CPAMD8: variants seen among roughly 807,000 people sequenced by gnomAD.
CPAMD8 encodes the protein C3 and PZP-like alpha-2-macroglobulin domain-containing protein 8.
Under a neutral mutation model 224.7 loss-of-function variants are expected in CPAMD8, and 146 were observed. The ratio of observed to expected loss-of-function variants is 0.65; its 90% confidence interval spans 0.57 to 0.75. The LOEUF (loss-of-function observed/expected upper bound fraction) is 0.75. Ranked by LOEUF, CPAMD8 falls within the 30% of genes least tolerant of loss-of-function variation. The probability of loss-of-function intolerance (pLI) is 0.00; values close to 1 mark genes in which losing one functional copy is unlikely to be tolerated. For synonymous variants in CPAMD8, 966 were observed against 1,044.6 expected, an observed-to-expected ratio of 0.92 and a Z score of 1.45; for missense variants, 2,301 against 2,537.5, an observed-to-expected ratio of 0.91 and a Z score of 2.00.
At chr19:16,987,179 A>AAATATATAT (rs1555784836) in intron 13 of CPAMD8, among the ~76,000 whole-genome samples, 6 of 53,918 alleles carry the variant, frequency 1.1e-4, no homozygotes, top group East Asian at 5.2e-4. Flanking sequence ...AAAAAAAAAA[A>AAATATATAT]ATATATATAT....
chr19:16,962,334 G>T (rs1441700840), intron 18 of CPAMD8, among the ~76,000 whole-genome samples: 4 of 152,194 alleles, frequency 2.6e-5, no homozygotes. Flanking sequence ...AAACAGCATA[G>T]AGAAGAACTT....
chr19:17,020,237 G>T, intron 3 of CPAMD8, 94 bp downstream of exon 3: 1 of 963,804 alleles, frequency 1.0e-6, no homozygotes, highest in Non-Finnish European at 1.7e-6. Context: ...GCCTTCCAAA[G>T]TGCTGGGATT....
In CPAMD8 at chr19:17,003,955, G is replaced by A. The variant is rs1226127951; in HGVS notation, c.673+318C>T. Among the ~76,000 whole-genome samples, 4 of 150,862 alleles carry A rather than the reference G, an allele frequency of 2.7e-5. No individual in the cohort carries two copies. The East Asian group carries it at 8.0e-4, about 30-fold the overall frequency. ...AGAGTCTCGCCCTGTCGCCCAGGCT[G>A]GAGCGCAGTAGTGCGATCTTGGCTC... On this transcript the variant is annotated intron_variant, in intron 8 of 41. Coordinates refer to ENST00000443236, the MANE Select transcript of CPAMD8 (RefSeq NM_015692.5).
At chr19:16,913,625 G>A (rs1183010395) in intron 29 of CPAMD8, among the ~76,000 whole-genome samples, 1 of 152,086 alleles carries the variant, frequency 6.6e-6, no homozygotes, top group Non-Finnish European at 1.5e-5. Context: ...TGCAGCCCAA[G>A]CTAAGACAGG....
intron 3 of CPAMD8, 66 bp downstream of exon 3, chr19:17,020,265 C>G: frequency 6.4e-6 from 8 of 1,252,422 alleles, no homozygotes; most frequent in Non-Finnish European, 9.4e-6. Flanking sequence ...TGAGCCACCA[C>G]GCCTGGCCCA....
At chr19:17,016,983 A>G (rs987876303) in intron 3 of CPAMD8, among the ~76,000 whole-genome samples, 1 of 152,036 alleles carries the variant, frequency 6.6e-6, no homozygotes, top group Non-Finnish European at 1.5e-5. Context: ...GTACCAGTCA[A>G]TGGCCTGTTA....
intron 3 of CPAMD8, among the ~76,000 whole-genome samples, chr19:17,016,865 G>A (rs771803383): frequency 4.6e-5 from 7 of 151,798 alleles, no homozygotes; most frequent in Non-Finnish European, 8.8e-5. Context: ...ATCACAGGAA[G>A]CCAGGAAAGG....
chr19:16,928,813 T>C, intron 24 of CPAMD8, 129 bp downstream of exon 24: 1 of 685,798 alleles, frequency 1.5e-6, no homozygotes. Flanking sequence ...TAAGAACAAC[T>C]TGAGGTGGTG....
chr19:16,958,225 G>A (rs1051898557), intron 18 of CPAMD8, among the ~76,000 whole-genome samples: 2 of 152,154 alleles, frequency 1.3e-5, no homozygotes, highest in Admixed American at 6.6e-5. Flanking sequence ...TCATCACCCA[G>A]ATACTAAGCC....
intron 20 of CPAMD8, 23 bp from the exon 21 acceptor site, chr19:16,947,250 A>T: frequency 6.3e-7 from 1 of 1,596,824 alleles, no homozygotes; most frequent in African/African-American, 1.3e-5. Flanking sequence ...GCATTGGCTC[A>T]TGGCGCCTGG....
chr19:16,958,591 T>C (rs2054548195), intron 18 of CPAMD8, among the ~76,000 whole-genome samples: 1 of 152,188 alleles, frequency 6.6e-6, no homozygotes, highest in African/African-American at 2.4e-5. Context: ...TTTGTGTGCA[T>C]GGGTCTTTAT....
chr19:16,905,569 G>GAA (rs397955787), intron 30 of CPAMD8, among the ~76,000 whole-genome samples: 2,374 of 92,744 alleles, frequency 0.026, 81 homozygotes, highest in African/African-American at 0.09. Context: ...AGGAAGAAAA[G>GAA]AAAAAAAAAA....
chr19:16,896,635 A>G lies in CPAMD8; in HGVS notation c.5096T>C (p.Val1699Ala). 6.7e-7 allele frequency: 1 copy of G among 1,492,456 alleles called. No individual in the cohort carries two copies. The highest frequency in any genetic ancestry group is 1.3e-5 in the South Asian group (1 of 78,746). The allele number at this position is 1,492,456 out of a possible 1,614,324, so 92.5% of individuals were successfully genotyped here. ...GWFPGESGPAVAPEEGAAIAR... is the reference protein window; with the variant it reads ...GWFPGESGPAAAPEEGAAIAR... ...GATCGCCGCCCCCTCCTCAGGGGCC[A>G]CGGCAGGGCCCGACTCGCCGGGGAA... is the stretch of plus-strand genomic sequence containing the variant. The change falls in exon 40 of 42, where the codon GTG (valine) becomes GCG (alanine). Residue 1699 changes from valine to alanine, a missense_variant. Val to Ala is a moderately conservative substitution (Grantham distance 64). Around this residue, in one of 4 missense-constraint regions of CPAMD8, gnomAD observed 1,709 missense variants for 1,753.2 expected, o/e 0.97. Transcript: ENST00000443236.
chr19:17,002,553 C>T, intron 8 of CPAMD8: 2 of 475,054 alleles, frequency 4.2e-6, no homozygotes, highest in East Asian at 6.8e-5. Flanking sequence ...GACTAGGACC[C>T]CATTTTCCTC....
At position 16,899,277 on chromosome 19, in the gene CPAMD8, G is replaced by A. The variant is rs532143123; in HGVS notation, c.4848+198C>T. Among the ~76,000 whole-genome samples, 1 of 152,140 alleles carries A rather than the reference G, an allele frequency of 6.6e-6. No individual in the cohort carries two copies. Among genetic ancestry groups the A allele is most frequent in the Admixed American group, 6.5e-5 (1 of 15,280 alleles). On this transcript the variant is annotated intron_variant, in intron 37 of 41. Coordinates refer to ENST00000443236, the MANE Select transcript of CPAMD8 (RefSeq NM_015692.5). The surrounding 1 kb of genome is among the most constrained non-coding windows in gnomAD (Gnocchi z 5.4). ...TCGCCATGTTGCCCAGGCTGGTCTC[G>A]AACCCCTGAGCTCAAGTGATCCTCC...
chr19:16,920,250 C>A (rs559672852), intron 27 of CPAMD8, among the ~76,000 whole-genome samples: 1 of 152,062 alleles, frequency 6.6e-6, no homozygotes, highest in South Asian at 2.1e-4. Flanking sequence ...GAGGCCGAGG[C>A]GGGCGGATCA....
At position 16,970,911 on chromosome 19, in the gene CPAMD8, A is replaced by G. The variant is rs2055038555; in HGVS notation, c.2193T>C (p.Ala731=). The change falls in exon 18 of 42, where the codon GCT becomes GCC. Residue 731 remains alanine (A), a synonymous_variant. Coordinates refer to ENST00000443236, the MANE Select transcript of CPAMD8 (RefSeq NM_015692.5). Reference sequence around the variant, plus strand: ...GTTACCTGGGGGGGTGCCTGGAAGGAGCCACTGCCACCAGGCTCCCTGTGT... The same window carrying G: ...GTTACCTGGGGGGGTGCCTGGAAGGGGCCACTGCCACCAGGCTCCCTGTGT... The part of the protein sequence containing the change: ...QPHTGSLVAV[A]PSRHPPRTEK... 2 of 1,613,842 alleles carry G rather than the reference A, an allele frequency of 1.2e-6. No homozygotes were observed. Among genetic ancestry groups the G allele is most frequent in the South Asian group, 2.2e-5 (2 of 91,064 alleles).
At chr19:16,922,920 C>T (rs1347626781) in intron 26 of CPAMD8, among the ~76,000 whole-genome samples, 3 of 152,230 alleles carry the variant, frequency 2.0e-5, no homozygotes, top group Non-Finnish European at 2.9e-5. Flanking sequence ...ATCTTGTTTA[C>T]TGACATTGCC....
In CPAMD8 at chr19:16,946,971, T is replaced by C. The variant is rs561218148; in HGVS notation, c.2662+103A>G. 4.5e-5 allele frequency: 57 copies of C among 1,262,454 alleles called. No homozygotes were observed. In the African/African-American group the frequency reaches 8.3e-4, roughly 18 times the overall value. The allele number at this position is 1,262,454 out of a possible 1,614,324, so 78.2% of individuals were successfully genotyped here. The stretch of plus-strand genomic sequence containing the variant: ...CATTTTCCTTGGGACAGTCCTGACC[T>C]TACCTGCTGCCCCATCCACCCCTCA... On this transcript the variant is annotated intron_variant, in intron 21 of 41. Transcript: ENST00000443236.
Sources: gnomAD v4.1 joint callset for allele counts (sites outside exome capture counted in the v4.1 genomes callset) on GRCh38, gnomAD v4.1.1 for gene constraint, gnomAD v4.1.1 regional missense constraint, Gnocchi (gnomAD v3.1) non-coding constraint, MANE v1.5 for transcripts, NCBI Gene and HGNC (gene_info 2026-07-23, HGNC 2026-07-21) for gene names.